USP47: variants seen among roughly 807,000 people sequenced by gnomAD.
USP47 encodes ubiquitin specific peptidase 47.
USP47 carries 35 observed loss-of-function variants against 165.1 expected under a neutral mutation model. That is an observed-to-expected ratio of 0.21 (90% CI 0.16 to 0.28). USP47 has a LOEUF of 0.28. Among genes scored for constraint, USP47 ranks in the 10% least tolerant of loss-of-function variants. The probability of loss-of-function intolerance (pLI) is 1.00; values close to 1 mark genes in which losing one functional copy is unlikely to be tolerated. For synonymous variants in USP47, 531 were observed against 544.5 expected (o/e 0.98, Z 0.35); for missense variants, 1,277 against 1,607.4 (o/e 0.79, Z 3.52).
intron 3 of USP47, among the ~76,000 whole-genome samples, chr11:11,887,346 A>G (rs10831696): frequency 0.51 from 77,383 of 151,950 alleles, 19,842 homozygotes; most frequent in East Asian, 0.61. Context: ...CTCATGTGCA[A>G]AGACACACAT....
Position 11,942,442 on chromosome 11 carries a change from G to T in USP47, c.2421G>T (p.Leu807Phe). 6.2e-7 allele frequency: 1 copy of T among 1,613,552 alleles called. No individual in the cohort carries two copies. The highest frequency in any genetic ancestry group is 8.5e-7 in the Non-Finnish European group (1 of 1,179,700). Residue 807 changes from leucine to phenylalanine, a missense_variant, in exon 20 of 28, where the codon TTG becomes TTT. By Grantham distance (22) the Leu-to-Phe change is conservative (BLOSUM62 0). Transcript: ENST00000527733. ...RHANTIRLFV[L>F]LPEQSPVSYS... ...CAAATACAATCAGATTATTTGTTTT[G>T]CTACCTGAACAATCCCCAGTATCTT...
At chr11:11,930,149 A>C in intron 13 of USP47, 29 bp downstream of exon 13, 1 of 1,565,410 alleles carries the variant, frequency 6.4e-7, no homozygotes, top group Non-Finnish European at 8.8e-7. Context: ...TTCAGTGTTT[A>C]AAAGTTAGAA....
intron 11 of USP47, among the ~76,000 whole-genome samples, chr11:11,928,428 A>G (rs903862011): frequency 1.1e-4 from 16 of 152,184 alleles, no homozygotes; most frequent in African/African-American, 2.9e-4. Flanking sequence ...TTAACAATAT[A>G]TTGTGGTCAG....
intron 5 of USP47, among the ~76,000 whole-genome samples, chr11:11,898,295 TTTTC>T (rs1370680530): frequency 3.3e-5 from 5 of 152,174 alleles, no homozygotes; most frequent in African/African-American, 4.8e-5. Context: ...GCTTTGTATA[TTTTC>T]TTTAAGATAA....
At chr11:11,903,375 T>C in intron 7 of USP47, 33 bp downstream of exon 7, 1 of 1,580,534 alleles carries the variant, frequency 6.3e-7, no homozygotes, top group Non-Finnish European at 8.7e-7. Flanking sequence ...AGGGGACTGT[T>C]TCCTAATAAA....
At position 11,956,181 on chromosome 11, in the gene USP47, A is replaced by G. The variant is rs758642824; in HGVS notation, c.*6A>G. ...AAGATCTGACTCAAGACTGACTCTG[A>G]TAGTGTAGCATTTTCCCTGGGGGAG... is the stretch of plus-strand genomic sequence containing the variant. On this transcript the variant is annotated 3_prime_UTR_variant, in exon 28 of 28. Coordinates refer to ENST00000527733, the MANE Select transcript of USP47 (RefSeq NM_001282659.2). 2 of 1,613,126 alleles carry G rather than the reference A, an allele frequency of 1.2e-6. No homozygotes were observed. The highest frequency in any genetic ancestry group is 1.7e-6 in the Non-Finnish European group (2 of 1,179,742).
intron 1 of USP47, among the ~76,000 whole-genome samples, chr11:11,873,647 T>G (rs889421452): frequency 1.3e-5 from 2 of 152,170 alleles, no homozygotes; most frequent in African/African-American, 4.8e-5. Context: ...ACTTTGCACA[T>G]TCATGAATAA....
rs1476547354 is a variant in USP47, at chr11:11,930,023, AATC to A, written c.1519-18_1519-16del. ...ATAGTGTTATAGAATTTGCAAAAAAAATCATGTAACACATTTTCAGATAACACA... is the reference window on the plus strand; with the variant it reads ...ATAGTGTTATAGAATTTGCAAAAAAAATGTAACACATTTTCAGATAACACA... On this transcript the variant is annotated intron_variant, in intron 12 of 27. Coordinates refer to ENST00000527733, the MANE Select transcript of USP47 (RefSeq NM_001282659.2). 3 of 1,609,464 alleles carry A rather than the reference AATC, an allele frequency of 1.9e-6. No homozygotes were observed. Among genetic ancestry groups the A allele is most frequent in the South Asian group, 1.1e-5 (1 of 90,910 alleles).
intron 1 of USP47, among the ~76,000 whole-genome samples, chr11:11,845,490 T>G (rs1848376422): frequency 6.6e-6 from 1 of 152,194 alleles, no homozygotes; most frequent in African/African-American, 2.4e-5. Flanking sequence ...TAGATGGTGC[T>G]TGGCGACATC....
At chr11:11,884,645 C>A in intron 3 of USP47, 65 bp downstream of exon 3, 2 of 1,050,946 alleles carry the variant, frequency 1.9e-6, no homozygotes, top group Non-Finnish European at 2.8e-6. Context: ...CTTGAGGATG[C>A]AGTTTCCCAA....
intron 16 of USP47, 47 bp downstream of exon 16, chr11:11,933,982 T>A (rs770481153): frequency 1.4e-6 from 2 of 1,393,052 alleles, no homozygotes; most frequent in South Asian, 2.4e-5. Flanking sequence ...TACAACAGTA[T>A]TAACATAATT....
At chr11:11,950,109 C>T in intron 23 of USP47, 105 bp downstream of exon 23, 2 of 880,282 alleles carry the variant, frequency 2.3e-6, no homozygotes, top group Non-Finnish European at 3.4e-6. Context: ...ATTTCCTGTG[C>T]TATTCAGAAT....
rs1851061185 is a variant in USP47 at position 11,884,986 on chromosome 11, T to A, written c.357+406T>A. Among the ~76,000 whole-genome samples the A allele has an allele frequency of 1.3e-5, 2 of 152,172 alleles. 1 individual carries two copies. The highest frequency in any genetic ancestry group is 4.1e-4 in the South Asian group (2 of 4,828). ...AGGTTTTTCAGTATCTGCAAGAAGG[T>A]CATTTCCGTTCTCACTTCCTCCCCT... On this transcript the variant is annotated intron_variant, in intron 3 of 27. Transcript: ENST00000527733.
intron 3 of USP47, among the ~76,000 whole-genome samples, chr11:11,886,733 A>G (rs1851188084): frequency 6.6e-6 from 1 of 152,204 alleles, no homozygotes; most frequent in Non-Finnish European, 1.5e-5. Flanking sequence ...AAATTCAGGA[A>G]ATGCAGAGAA....
At chr11:11,865,566 T>C (rs1364445119) in intron 1 of USP47, among the ~76,000 whole-genome samples, 1 of 152,164 alleles carries the variant, frequency 6.6e-6, no homozygotes, top group Non-Finnish European at 1.5e-5. Context: ...ATGTTTAGTT[T>C]TGTGAGTAAC....
chr11:11,951,683 C>T (rs1387211599), intron 24 of USP47: 2 of 152,088 alleles, frequency 1.3e-5, no homozygotes, highest in African/African-American at 2.4e-5. Flanking sequence ...ATACTAACAC[C>T]TCATGTATTT....
chr11:11,961,248 G>T lies in USP47; in HGVS notation c.*5073G>T, dbSNP rs764913850. ...TGCAATTAAGGTTAAGGACCTTGACGTGGGAAGATTGTGATTATTTACCTG... is the reference window on the plus strand; with the variant it reads ...TGCAATTAAGGTTAAGGACCTTGACTTGGGAAGATTGTGATTATTTACCTG... On this transcript the variant is annotated 3_prime_UTR_variant, in exon 28 of 28. Transcript: ENST00000527733. Among the ~76,000 whole-genome samples the T allele has an allele frequency of 6.6e-6, 1 of 152,044 alleles. No individual in the cohort carries two copies.
rs1169820108 is a variant in USP47, at chr11:11,960,376, C to T, written c.*4201C>T. Among the ~76,000 whole-genome samples the T allele has an allele frequency of 6.6e-6, 1 of 152,182 alleles. No individual in the cohort carries two copies. Among genetic ancestry groups the T allele is most frequent in the East Asian group, 1.9e-4 (1 of 5,188 alleles). On this transcript the variant is annotated 3_prime_UTR_variant, in exon 28 of 28. Transcript: ENST00000527733. ...GTAGATGCCCTGCAGGTCCTATCAGCAAAGGACCCAACTCCTAACAGCATT... is the reference window on the plus strand; with the variant it reads ...GTAGATGCCCTGCAGGTCCTATCAGTAAAGGACCCAACTCCTAACAGCATT...
chr11:11,936,708 AT>A (rs943344409), intron 17 of USP47, among the ~76,000 whole-genome samples, 198 bp downstream of exon 17: 2 of 151,898 alleles, frequency 1.3e-5, no homozygotes, highest in African/African-American at 4.8e-5. Flanking sequence ...TGTGTACATA[AT>A]TTTAAAAACA....
Sources: allele counts gnomAD v4.1 joint callset (sites outside exome capture counted in the v4.1 genomes callset), GRCh38; gene constraint gnomAD v4.1.1; transcripts MANE v1.5; gene names NCBI Gene and HGNC (gene_info 2026-07-23, HGNC 2026-07-21).